Variants in DACH1 observed in about 807,000 individuals in gnomAD.
The protein encoded by DACH1 is dachshund family transcription factor 1.
DACH1 carries 12 observed loss-of-function variants against 54.2 expected under a neutral mutation model. The observed-to-expected ratio is 0.22, with a 90% confidence interval of 0.14 to 0.36. The LOEUF (loss-of-function observed/expected upper bound fraction) is 0.36. Ranked by LOEUF, DACH1 falls within the 10% of genes least tolerant of loss-of-function variation. The pLI, the probability that DACH1 is intolerant of heterozygous loss-of-function variation, is 1.00. For synonymous variants in DACH1, 386 were observed against 366.2 expected (o/e 1.05, Z -0.62); for missense variants, 805 against 929.8 (o/e 0.87, Z 1.75).
In DACH1 at chr13:71,488,991, G is replaced by T. The variant is rs192675802; in HGVS notation, c.1722+6C>A. Reference sequence around the variant, plus strand: ...TGTCTTTCTTCCAGGTTGTAAAAAGGCCTACCTGTATGTTAGTCAGAAGAG... The same window carrying T: ...TGTCTTTCTTCCAGGTTGTAAAAAGTCCTACCTGTATGTTAGTCAGAAGAG... On this transcript the variant is annotated splice_donor_region_variant and intron_variant, in intron 7 of 10. Transcript: ENST00000613252. The T allele has an allele frequency of 6.2e-7, 1 of 1,610,940 alleles. No individual in the cohort carries two copies. Among genetic ancestry groups the T allele is most frequent in the African/African-American group, 1.3e-5 (1 of 74,654 alleles).
intron 1 of DACH1, among the ~76,000 whole-genome samples, chr13:71,775,127 CTTTTTTTTTTTTTTT>C (rs767902341): frequency 0.011 from 618 of 54,074 alleles, 15 homozygotes; most frequent in African/African-American, 0.034. Flanking sequence ...TCAACACAAG[CTTTTTTTTTTTTTTT>C]TTTTTTTTTT....
intron 1 of DACH1, among the ~76,000 whole-genome samples, chr13:71,827,531 G>A (rs144690151): frequency 2.0e-5 from 3 of 151,996 alleles, no homozygotes; most frequent in Non-Finnish European, 4.4e-5. Context: ...TAGCAGAAGC[G>A]CCAGCAGACC....
intron 1 of DACH1, among the ~76,000 whole-genome samples, chr13:71,684,977 A>G (rs1881088371): frequency 6.6e-6 from 1 of 152,186 alleles, no homozygotes; most frequent in East Asian, 1.9e-4. Context: ...GGGTTTGGGA[A>G]ATCTCAAGCA....
Position 71,780,179 on chromosome 13 carries a change from G to A in DACH1, c.848+85743C>T, listed in dbSNP as rs1034125502. Among the ~76,000 whole-genome samples the A allele has an allele frequency of 2.1e-4, 32 of 152,090 alleles. 1 individual carries two copies. The highest frequency in any genetic ancestry group is 1.3e-4 in the Non-Finnish European group (9 of 68,018). On this transcript the variant is annotated intron_variant, in intron 1 of 10. Transcript: ENST00000613252. The stretch of plus-strand genomic sequence containing the variant: ...GAATTACATCAGCAAGGGAAAGAAC[G>A]GGAGAGGCTTCCAGATAAAAAAGCA...
intron 6 of DACH1, among the ~76,000 whole-genome samples, chr13:71,540,328 A>G (rs1433306771): frequency 6.6e-6 from 1 of 152,118 alleles, no homozygotes; most frequent in Non-Finnish European, 1.5e-5. Context: ...ATGCATTATT[A>G]AATTCACTTT....
At chr13:71,607,180 T>G (rs1233634008) in intron 3 of DACH1, among the ~76,000 whole-genome samples, 1 of 152,048 alleles carries the variant, frequency 6.6e-6, no homozygotes, top group African/African-American at 2.4e-5. Context: ...TTTCATAGAT[T>G]TATTCAGGCT....
intron 3 of DACH1, among the ~76,000 whole-genome samples, chr13:71,622,556 C>A (rs917269166): frequency 6.6e-6 from 1 of 151,812 alleles, no homozygotes; most frequent in Non-Finnish European, 1.5e-5. Flanking sequence ...GGTTATTTTA[C>A]ACTGAAATAT....
intron 6 of DACH1, among the ~76,000 whole-genome samples, chr13:71,513,613 T>A (rs751743991): frequency 2.2e-4 from 34 of 152,200 alleles, no homozygotes; most frequent in Non-Finnish European, 3.8e-4. Context: ...GGTAAATGAT[T>A]GATGATCCTC....
intron 2 of DACH1, among the ~76,000 whole-genome samples, chr13:71,678,546 A>C (rs1880703887): frequency 6.6e-6 from 1 of 152,096 alleles, no homozygotes; most frequent in African/African-American, 2.4e-5. Context: ...CCCTGTTCTA[A>C]AGCAGTTTGC....
At chr13:71,830,129 A>T (rs1000725532) in intron 1 of DACH1, among the ~76,000 whole-genome samples, 35 of 151,934 alleles carry the variant, frequency 2.3e-4, no homozygotes, top group Non-Finnish European at 2.5e-4. Context: ...TTTTACTAAC[A>T]TAAGTAGTAA....
intron 2 of DACH1, among the ~76,000 whole-genome samples, chr13:71,657,576 T>TAAAAA (rs34939790): frequency 2.8e-5 from 4 of 142,342 alleles, no homozygotes; most frequent in African/African-American, 1.0e-4. Context: ...CTGTCTCAAA[T>TAAAAA]AAAAAAAAAA....
chr13:71,838,625 G>T (rs963868432), intron 1 of DACH1, among the ~76,000 whole-genome samples: 3 of 152,206 alleles, frequency 2.0e-5, no homozygotes, highest in Non-Finnish European at 4.4e-5. Context: ...AGAGAGTTGA[G>T]TTAAAAAGCA....
At chr13:71,577,883 T>C (rs1885631048) in intron 3 of DACH1, among the ~76,000 whole-genome samples, 1 of 152,178 alleles carries the variant, frequency 6.6e-6, no homozygotes, top group African/African-American at 2.4e-5. Flanking sequence ...CGGCACCAAT[T>C]ATAGTCTTAG....
chr13:71,553,850 T>C (rs1210492927), intron 6 of DACH1, among the ~76,000 whole-genome samples: 3 of 151,646 alleles, frequency 2.0e-5, no homozygotes, highest in Non-Finnish European at 2.9e-5. Flanking sequence ...AAGAAGAACA[T>C]AAAATGTTTA....
chr13:71,798,864 GT>G (rs1282471591), intron 1 of DACH1, among the ~76,000 whole-genome samples: 2 of 152,106 alleles, frequency 1.3e-5, no homozygotes, highest in African/African-American at 4.8e-5. Flanking sequence ...ATTAATGCCT[GT>G]TTATAGAAGG....
intron 2 of DACH1, among the ~76,000 whole-genome samples, chr13:71,650,246 G>A (rs953756745): frequency 1.3e-5 from 2 of 152,060 alleles, no homozygotes; most frequent in South Asian, 4.1e-4. Context: ...CATCAGCAAT[G>A]TTTCCTCTAC....
At chr13:71,808,921 G>C (rs192157150) in intron 1 of DACH1, among the ~76,000 whole-genome samples, 38 of 152,262 alleles carry the variant, frequency 2.5e-4, no homozygotes, top group Admixed American at 2.0e-3. Flanking sequence ...ATTAAAAGCT[G>C]TGCTGCTACT....
chr13:71,670,342 C>A lies in DACH1; in HGVS notation c.964+11453G>T, dbSNP rs906796401. 2.6e-5 allele frequency among the ~76,000 whole-genome samples: 4 copies of A among 152,256 alleles called. No homozygotes were observed. In the East Asian group the frequency reaches 7.7e-4, roughly 29 times the overall value. On this transcript the variant is annotated intron_variant, in intron 2 of 10. Transcript: ENST00000613252. ...TCCAACAATTAAATAGCTCAGCATA[C>A]AGCCATAATCAATTGAAAGCAATCT...
chr13:71,571,611 A>G (rs1885202256), intron 4 of DACH1, among the ~76,000 whole-genome samples: 1 of 151,680 alleles, frequency 6.6e-6, no homozygotes, highest in South Asian at 2.1e-4. Flanking sequence ...TTCCTCTGGT[A>G]TTGATACTAC....
Sources: gnomAD v4.1 joint callset for allele counts (sites outside exome capture counted in the v4.1 genomes callset) on GRCh38, gnomAD v4.1.1 for gene constraint, MANE v1.5 for transcripts, NCBI Gene and HGNC (gene_info 2026-07-23, HGNC 2026-07-21) for gene names.